KDM1B: variants seen among roughly 807,000 people sequenced by gnomAD.
KDM1B encodes lysine demethylase 1B, also known as lysine-specific histone demethylase 2.
A neutral mutation model predicts 107.4 loss-of-function variants in KDM1B; 63 were observed. The observed-to-expected ratio is 0.59, with a 90% CI of 0.48 to 0.72. The LOEUF (loss-of-function observed/expected upper bound fraction) is 0.72. Ranked by LOEUF, KDM1B falls within the 30% of genes least tolerant of loss-of-function variation. The pLI is 0.00. For missense variants in KDM1B, 749 were observed against 1,020.8 expected (o/e 0.73, Z 3.63); for synonymous variants, 363 against 363.9 (o/e 1.00, Z 0.03).
At chr6:18,168,810 T>C (rs1350504787) in intron 6 of KDM1B, among the ~76,000 whole-genome samples, 1 of 152,206 alleles carries the variant, frequency 6.6e-6, no homozygotes, top group East Asian at 1.9e-4. Context: ...ACCTTTCGTA[T>C]GCTTGTTGTC....
Position 18,201,334 on chromosome 6 carries a change from T to G in KDM1B, c.1360-152T>G, listed in dbSNP as rs1024963856. Reference sequence around the variant, plus strand: ...GCTGTTTTTTTTCACTGCCTGACTTTGCTGCCATTCCCCGTGAAGCATATT... The same window carrying G: ...GCTGTTTTTTTTCACTGCCTGACTTGGCTGCCATTCCCCGTGAAGCATATT... On this transcript the variant is annotated intron_variant, in intron 13 of 21. Coordinates refer to ENST00000650836, the MANE Select transcript of KDM1B (RefSeq NM_001364614.2). This position sits in a 1 kb window ranked among gnomAD's most constrained non-coding sequence, Gnocchi z 4.3. Among the ~76,000 whole-genome samples, 1 of 152,208 alleles carries G rather than the reference T, an allele frequency of 6.6e-6. No individual in the cohort carries two copies. Among genetic ancestry groups the G allele is most frequent in the African/African-American group, 2.4e-5 (1 of 41,448 alleles).
At chr6:18,163,457 T>C (rs1238036284) in intron 5 of KDM1B, among the ~76,000 whole-genome samples, 1 of 152,212 alleles carries the variant, frequency 6.6e-6, no homozygotes, top group Non-Finnish European at 1.5e-5. Context: ...TTTTATTTTT[T>C]ACTTGTGTTT....
In KDM1B at chr6:18,221,178, G is replaced by C. The variant is rs569330455; in HGVS notation, c.2386-731G>C. On this transcript the variant is annotated intron_variant, in intron 21 of 21. Transcript: ENST00000650836. ...CCCTGGATGTTTTCCCTTCTATCCA[G>C]GCATCAGTTTAGGTGACTACACTTC... Among the ~76,000 whole-genome samples the C allele has an allele frequency of 2.0e-5, 3 of 152,064 alleles. No homozygotes were observed. In the East Asian group the frequency reaches 5.8e-4, roughly 29 times the overall value.
chr6:18,190,266 A>G (rs1448086492), intron 9 of KDM1B, among the ~76,000 whole-genome samples: 1 of 152,020 alleles, frequency 6.6e-6, no homozygotes. Flanking sequence ...AGCAGCATGA[A>G]TGTACTTAAC....
chr6:18,195,010 A>G (rs774396679), intron 10 of KDM1B, among the ~76,000 whole-genome samples: 5 of 152,240 alleles, frequency 3.3e-5, no homozygotes, highest in Non-Finnish European at 7.3e-5. Flanking sequence ...ATTTGCCTGT[A>G]ATAGATATTT....
chr6:18,214,809 C>T lies in KDM1B; in HGVS notation c.2110-198C>T, dbSNP rs900136091. On this transcript the variant is annotated intron_variant, in intron 19 of 21. Transcript: ENST00000650836. This position sits in a 1 kb window ranked among gnomAD's most constrained non-coding sequence, Gnocchi z 4.4. ...CCTGTAATCCCAGCTACTCTGGAGG[C>T]TGAGGCAGGAGAATCACTTGAACCT... Among the ~76,000 whole-genome samples, 7 of 152,208 alleles carry T rather than the reference C, an allele frequency of 4.6e-5. No homozygotes were observed. The highest frequency in any genetic ancestry group is 1.7e-4 in the African/African-American group (7 of 41,456).
Position 18,221,920 on chromosome 6 carries a change from G to C in KDM1B, c.2397G>C (p.Arg799Ser), listed in dbSNP as rs1789784991. Residue 799 changes from arginine (R) to serine (S), a missense_variant, in exon 22 of 22, where the codon AGG becomes AGC. Physicochemically the swap from Arg to Ser is moderately radical, Grantham distance 110. Transcript: ENST00000650836. ...ATTATGTTTTACAGGCAACAAACAG[G>C]CATTTCCCACAAACTGTTACAGGGG... ...TVFFAGEATNRHFPQTVTGAY... is the reference protein window; with the variant it reads ...TVFFAGEATNSHFPQTVTGAY... The C allele has an allele frequency of 6.2e-7, 1 of 1,603,260 alleles. No homozygotes were observed. Among genetic ancestry groups the C allele is most frequent in the Admixed American group, 1.7e-5 (1 of 58,788 alleles).
At chr6:18,157,459 T>A (rs1784696599) in intron 2 of KDM1B, among the ~76,000 whole-genome samples, 1 of 152,236 alleles carries the variant, frequency 6.6e-6, no homozygotes, top group African/African-American at 2.4e-5. Flanking sequence ...TTCAGGAAAC[T>A]ATACTTTCTT....
chr6:18,195,259 C>G (rs567948332), intron 10 of KDM1B, among the ~76,000 whole-genome samples: 2 of 152,246 alleles, frequency 1.3e-5, no homozygotes, highest in African/African-American at 4.8e-5. Flanking sequence ...GTTTGAACAT[C>G]TGTTTTCAGT....
chr6:18,169,715 C>A (rs1231788182), intron 6 of KDM1B, among the ~76,000 whole-genome samples: 1 of 151,924 alleles, frequency 6.6e-6, no homozygotes, highest in South Asian at 2.1e-4. Context: ...TTGCCAAATT[C>A]AAGGTCATAA....
chr6:18,162,919 C>T lies in KDM1B; in HGVS notation c.300C>T (p.Tyr100=), dbSNP rs1270898468. 1 of 1,593,030 alleles carries T rather than the reference C, an allele frequency of 6.3e-7. No individual in the cohort carries two copies. The highest frequency in any genetic ancestry group is 8.6e-7 in the Non-Finnish European group (1 of 1,160,936). ...HFCNECFDHY[Y]RSHKDGYDKY... ...GTAATGAATGCTTTGACCATTACTA[C>T]AGAAGGTATGTTCACTAATTGTGTG... is the stretch of plus-strand genomic sequence containing the variant. The change falls in exon 5 of 22, where the codon TAC becomes TAT. Residue 100 remains tyrosine, a synonymous_variant. Transcript: ENST00000650836. This position sits in a 1 kb window ranked among gnomAD's most constrained non-coding sequence, Gnocchi z 4.1.
intron 10 of KDM1B, among the ~76,000 whole-genome samples, chr6:18,192,869 T>G (rs1787372341): frequency 6.6e-6 from 1 of 151,890 alleles, no homozygotes; most frequent in Admixed American, 6.6e-5. Context: ...CTTACCTGGA[T>G]CTATTTTAGT....
Position 18,214,936 on chromosome 6 carries a change from A to AG in KDM1B, c.2110-71_2110-70insG, listed in dbSNP as rs2151031964. On this transcript the variant is annotated intron_variant, in intron 19 of 21. Transcript: ENST00000650836. This position sits in a 1 kb window ranked among gnomAD's most constrained non-coding sequence, Gnocchi z 4.4. The stretch of plus-strand genomic sequence containing the variant: ...TTTAAAACAAAACAAAACAAAAAAC[A>AG]AAAAAAAGAGGCCCTTATCTGTGGG... The AG allele has an allele frequency of 7.2e-7, 1 of 1,385,222 alleles. No homozygotes were observed. The highest frequency in any genetic ancestry group is 2.4e-5 in the East Asian group (1 of 40,854). 85.8% of individuals were successfully genotyped at this position (1,385,222 alleles called of 1,614,324 possible). A position where few individuals can be genotyped will look rare whatever the true frequency, so the allele number is the denominator to read the frequency against.
At chr6:18,208,603 G>GTATGTATATATATATA (rs869173486) in intron 17 of KDM1B, among the ~76,000 whole-genome samples, 2 of 34,896 alleles carry the variant, frequency 5.7e-5, no homozygotes, top group Non-Finnish European at 9.6e-5. Flanking sequence ...GTATGTGTAT[G>GTATGTATATATATATA]TATATATATA....
intron 7 of KDM1B, among the ~76,000 whole-genome samples, chr6:18,181,688 G>A (rs954169345): frequency 6.6e-6 from 1 of 152,154 alleles, no homozygotes; most frequent in African/African-American, 2.4e-5. Context: ...CAAGGCTGCA[G>A]TGAGCCAAGA....
At chr6:18,220,754 G>T (rs1789636758) in intron 21 of KDM1B, among the ~76,000 whole-genome samples, 1 of 151,576 alleles carries the variant, frequency 6.6e-6, no homozygotes, top group Non-Finnish European at 1.5e-5. Context: ...CTGCTTTGAT[G>T]CGATTATTAC....
intron 9 of KDM1B, among the ~76,000 whole-genome samples, chr6:18,189,972 C>T (rs1030227969): frequency 1.7e-4 from 26 of 151,768 alleles, no homozygotes; most frequent in Admixed American, 5.3e-4. Flanking sequence ...GGTGAAACTC[C>T]GTCTCTACTA....
intron 7 of KDM1B, among the ~76,000 whole-genome samples, chr6:18,179,752 A>C (rs772401860): frequency 2.0e-5 from 3 of 146,594 alleles, no homozygotes; most frequent in Non-Finnish European, 4.5e-5. Context: ...GTGATTTGAG[A>C]GTGAGGGAGG....
At chr6:18,210,114 A>G (rs946521686) in intron 17 of KDM1B, among the ~76,000 whole-genome samples, 6 of 152,134 alleles carry the variant, frequency 3.9e-5, no homozygotes, top group Non-Finnish European at 7.3e-5. Flanking sequence ...TTTAAAACAA[A>G]TATTTTTATT....
Sources: allele counts gnomAD v4.1 joint callset (sites outside exome capture counted in the v4.1 genomes callset), GRCh38; gene constraint gnomAD v4.1.1; non-coding constraint Gnocchi (gnomAD v3.1); transcripts MANE v1.5; gene names NCBI Gene and HGNC (gene_info 2026-07-23, HGNC 2026-07-21).